The following GABBR2 variants were observed in gnomAD, a reference collection of about 807,000 sequenced individuals.
The protein encoded by GABBR2 is G-protein coupled receptor 51.
Under a neutral mutation model 105.6 loss-of-function variants are expected in GABBR2, and 23 were observed. The observed-to-expected ratio is 0.22, with a 90% CI of 0.16 to 0.31. GABBR2 has a LOEUF of 0.31. Ranked by LOEUF, GABBR2 falls within the 10% of genes least tolerant of loss-of-function variation. GABBR2 has a pLI of 1.00. For synonymous variants in GABBR2, 478 were observed against 499.7 expected (o/e 0.96, Z 0.58); for missense variants, 734 against 1,245.5 (o/e 0.59, Z 6.18).
intron 1 of GABBR2, among the ~76,000 whole-genome samples, chr9:98,648,209 G>A (rs1830057324): frequency 6.6e-6 from 1 of 151,854 alleles, no homozygotes; most frequent in Admixed American, 6.6e-5. Context: ...TCGGCTCACT[G>A]CAACCTCTGC....
chr9:98,313,422 C>T (rs564766220), intron 13 of GABBR2, among the ~76,000 whole-genome samples: 1 of 152,328 alleles, frequency 6.6e-6, no homozygotes, highest in Non-Finnish European at 1.5e-5. Flanking sequence ...TAAGATCCAA[C>T]ACTGCCGAGT....
chr9:98,573,016 A>T (rs7861531), intron 2 of GABBR2, among the ~76,000 whole-genome samples: 1 of 151,964 alleles, frequency 6.6e-6, no homozygotes, highest in East Asian at 1.9e-4. Context: ...GGAGGCTGAG[A>T]TTCTGCATGG....
intron 5 of GABBR2, 23 bp from the exon 6 acceptor site, chr9:98,473,369 G>T: frequency 6.6e-7 from 1 of 1,519,356 alleles, no homozygotes; most frequent in Non-Finnish European, 9.1e-7. Context: ...GAGTGACTAT[G>T]AGGGCATTGA....
At chr9:98,403,459 C>T (rs1311565765) in intron 8 of GABBR2, among the ~76,000 whole-genome samples, 4 of 152,082 alleles carry the variant, frequency 2.6e-5, no homozygotes, top group Non-Finnish European at 5.9e-5. Flanking sequence ...AGCTGAGGTC[C>T]AGTCCCTGCT....
chr9:98,520,411 C>A (rs756915623), intron 3 of GABBR2, among the ~76,000 whole-genome samples: 16 of 152,194 alleles, frequency 1.1e-4, no homozygotes, highest in Non-Finnish European at 1.9e-4. Context: ...CTTTTCACCA[C>A]CCCCGGAAGG....
intron 1 of GABBR2, among the ~76,000 whole-genome samples, chr9:98,618,241 A>C (rs1829615403): frequency 6.6e-6 from 1 of 152,128 alleles, no homozygotes; most frequent in African/African-American, 2.4e-5. Flanking sequence ...GCTTAATCAT[A>C]GGCACCCTCG....
intron 12 of GABBR2, among the ~76,000 whole-genome samples, chr9:98,367,385 A>AT (rs140762532): frequency 0.01 from 1,578 of 152,182 alleles, 23 homozygotes; most frequent in African/African-American, 0.036. Context: ...CAAAGGACAA[A>AT]TATTGTATGG....
rs115481347 is a variant in GABBR2, at chr9:98,612,684, A to G, written c.322-34612T>C. Among the ~76,000 whole-genome samples, 375 of 152,328 alleles carry G rather than the reference A, an allele frequency of 2.5e-3. 1 individual carries two copies. Among genetic ancestry groups the G allele is most frequent in the African/African-American group, 8.6e-3 (359 of 41,574 alleles). ...GATAGCTGAAATACAAAAATAGAAAATTTAAAGACATAGCATTACTCAAAA... is the reference window on the plus strand; with the variant it reads ...GATAGCTGAAATACAAAAATAGAAAGTTTAAAGACATAGCATTACTCAAAA... On this transcript the variant is annotated intron_variant, in intron 1 of 18. Coordinates refer to ENST00000259455, the MANE Select transcript of GABBR2 (RefSeq NM_005458.8).
At chr9:98,372,307 C>G (rs1831799036) in intron 11 of GABBR2, among the ~76,000 whole-genome samples, 1 of 152,202 alleles carries the variant, frequency 6.6e-6, no homozygotes, top group Admixed American at 6.5e-5. Context: ...ACCATTTAGA[C>G]TGGACACCCT....
At chr9:98,344,442 C>G (rs1374686531) in intron 13 of GABBR2, among the ~76,000 whole-genome samples, 5 of 152,242 alleles carry the variant, frequency 3.3e-5, no homozygotes. Context: ...TTCCATCAGA[C>G]TCTAAAGAAG....
At chr9:98,434,853 C>T (rs1825873114) in intron 7 of GABBR2, among the ~76,000 whole-genome samples, 1 of 152,124 alleles carries the variant, frequency 6.6e-6, no homozygotes, top group African/African-American at 2.4e-5. Context: ...TTGTGAGGAC[C>T]CTGAGATGCC....
At chr9:98,424,545 C>G (rs1190560260) in intron 7 of GABBR2, among the ~76,000 whole-genome samples, 1 of 151,950 alleles carries the variant, frequency 6.6e-6, no homozygotes. Flanking sequence ...TCAAATTGCC[C>G]CTGTTTGCAG....
chr9:98,419,695 G>A (rs1003138838), intron 7 of GABBR2, among the ~76,000 whole-genome samples: 2 of 152,156 alleles, frequency 1.3e-5, no homozygotes, highest in African/African-American at 4.8e-5. Context: ...TGCTCTGCCT[G>A]GCCCCTAAAT....
In GABBR2 at chr9:98,683,808, G is replaced by A. The variant is rs550302246; in HGVS notation, c.321+24609C>T. 5.3e-5 allele frequency among the ~76,000 whole-genome samples: 8 copies of A among 152,038 alleles called. No homozygotes were observed. In the South Asian group the frequency reaches 1.7e-3, roughly 32 times the overall value. ...GCAGATCACAAGGTCAGGAGATTGAGACCATGCTGGCTAACACGGTGAAAC... is the reference window on the plus strand; with the variant it reads ...GCAGATCACAAGGTCAGGAGATTGAAACCATGCTGGCTAACACGGTGAAAC... On this transcript the variant is annotated intron_variant, in intron 1 of 18. Coordinates refer to ENST00000259455, the MANE Select transcript of GABBR2 (RefSeq NM_005458.8).
chr9:98,422,583 T>C (rs1365386161), intron 7 of GABBR2, among the ~76,000 whole-genome samples: 1 of 151,930 alleles, frequency 6.6e-6, no homozygotes, highest in African/African-American at 2.4e-5. Context: ...GCAGATTAGA[T>C]GTAATGGAAG....
At chr9:98,690,975 C>T (rs2131878355) in intron 1 of GABBR2, among the ~76,000 whole-genome samples, 1 of 152,320 alleles carries the variant, frequency 6.6e-6, no homozygotes. Flanking sequence ...CAGCACAGAT[C>T]ACTGCTACTC....
chr9:98,708,441 G>A lies in GABBR2; in HGVS notation c.297C>T (p.Leu99=), dbSNP rs34485761. 21 of 1,546,246 alleles carry A rather than the reference G, an allele frequency of 1.4e-5. No individual in the cohort carries two copies. The highest frequency in any genetic ancestry group is 1.8e-5 in the Non-Finnish European group (21 of 1,141,292). Residue 99 remains leucine (L), a synonymous_variant, in exon 1 of 19, where the codon CTC becomes CTT. Coordinates refer to ENST00000259455, the MANE Select transcript of GABBR2 (RefSeq NM_005458.8). ...CCTCCGTGTCATAGAGCCGCAGGTC[G>A]AGGAAGTAGGGGCGCAGGAGTGACT... ...RNESLLRPYF[L]DLRLYDTECD... is the part of the protein sequence containing the mutation.
At chr9:98,496,169 T>G in intron 4 of GABBR2, 1 of 538,860 alleles carries the variant, frequency 1.9e-6, no homozygotes, top group Non-Finnish European at 3.3e-6. Context: ...TTGAGAGATA[T>G]AAAACCATCA....
intron 1 of GABBR2, among the ~76,000 whole-genome samples, chr9:98,682,672 C>T (rs1485385748): frequency 6.6e-6 from 1 of 152,066 alleles, no homozygotes; most frequent in Admixed American, 6.6e-5. Context: ...CACCACTGCA[C>T]CTGGCCTGAT....
Sources: gnomAD v4.1 joint callset for allele counts (sites outside exome capture counted in the v4.1 genomes callset) on GRCh38, gnomAD v4.1.1 for gene constraint, MANE v1.5 for transcripts, NCBI Gene and HGNC (gene_info 2026-07-23, HGNC 2026-07-21) for gene names.